Variants in MTUS2 observed in about 807,000 individuals in gnomAD.
The protein encoded by MTUS2 is microtubule-associated tumor suppressor candidate 2.
In MTUS2, 40 loss-of-function variants were observed where a neutral mutation model predicts 114.1. That is an observed-to-expected ratio of 0.35 (90% CI 0.27 to 0.46). The LOEUF is 0.46. Among genes scored for constraint, MTUS2 ranks in the 20% least tolerant of loss-of-function variants. The pLI, the probability that MTUS2 is intolerant of heterozygous loss-of-function variation, is 1.00. For missense variants in MTUS2, 1,679 were observed against 1,705.4 expected (o/e 0.98, Z 0.27); for synonymous variants, 688 against 672.0 (o/e 1.02, Z -0.37).
rs372069796 is a variant in MTUS2, at chr13:29,026,949, A to G, written c.2205+46A>G. On this transcript the variant is annotated intron_variant, in intron 3 of 15. Coordinates refer to ENST00000612955, the MANE Select transcript of MTUS2 (RefSeq NM_001033602.4). ...TATGGTCTATAAGTTGACTGTCCCAATATCTGTGACATATTTTCAATGAGT... is the reference window on the plus strand; with the variant it reads ...TATGGTCTATAAGTTGACTGTCCCAGTATCTGTGACATATTTTCAATGAGT... 10 of 1,485,424 alleles carry G rather than the reference A, an allele frequency of 6.7e-6. No individual in the cohort carries two copies. The African/African-American group carries it at 7.0e-5, about 10-fold the overall frequency. The allele number at this position is 1,485,424 out of a possible 1,614,324, so 92.0% of individuals were successfully genotyped here.
At chr13:29,367,067 G>A (rs568844697) in intron 8 of MTUS2, among the ~76,000 whole-genome samples, 33 of 152,236 alleles carry the variant, frequency 2.2e-4, no homozygotes, top group African/African-American at 7.7e-4. Context: ...GTAAATGGAT[G>A]ACTTGAAAAC....
At chr13:29,449,128 G>A (rs183374221) in intron 9 of MTUS2, among the ~76,000 whole-genome samples, 2 of 152,112 alleles carry the variant, frequency 1.3e-5, no homozygotes, top group East Asian at 3.9e-4. Context: ...TTTTGATTAA[G>A]GTCAGTTTAT....
intron 2 of MTUS2, among the ~76,000 whole-genome samples, chr13:28,992,851 T>A (rs1018472455): frequency 6.6e-6 from 1 of 152,190 alleles, no homozygotes; most frequent in African/African-American, 2.4e-5. Context: ...TCTTTCATCT[T>A]GCAAGACTGA....
chr13:29,125,689 A>G (rs1891484953), intron 5 of MTUS2, among the ~76,000 whole-genome samples: 1 of 152,236 alleles, frequency 6.6e-6, no homozygotes, highest in African/African-American at 2.4e-5. Flanking sequence ...TTACCTGGGA[A>G]GTTATAAAAA....
intron 8 of MTUS2, among the ~76,000 whole-genome samples, chr13:29,412,668 T>C (rs1199179054): frequency 1.3e-5 from 2 of 152,118 alleles, no homozygotes; most frequent in South Asian, 4.2e-4. Context: ...GACAGGGGGA[T>C]TGCTTGAGCA....
intron 8 of MTUS2, among the ~76,000 whole-genome samples, chr13:29,413,610 A>C (rs1172273147): frequency 5.5e-5 from 3 of 54,932 alleles, no homozygotes; most frequent in Non-Finnish European, 1.1e-4. Flanking sequence ...ATTTACAAGA[A>C]AAAAACAAAC....
chr13:29,064,390 GTTTTTTTT>G (rs59916653), intron 4 of MTUS2, among the ~76,000 whole-genome samples: 2 of 108,010 alleles, frequency 1.9e-5, no homozygotes, highest in East Asian at 2.7e-4. Flanking sequence ...ACGTTTGGAG[GTTTTTTTT>G]TTTTTTTTTT....
At chr13:29,389,215 A>C (rs1307673314) in intron 8 of MTUS2, among the ~76,000 whole-genome samples, 1 of 149,520 alleles carries the variant, frequency 6.7e-6, no homozygotes, top group Non-Finnish European at 1.5e-5. Flanking sequence ...ATTTTTTCAA[A>C]TATATGTATG....
chr13:29,382,202 G>A (rs1872264452), intron 8 of MTUS2, among the ~76,000 whole-genome samples: 1 of 152,196 alleles, frequency 6.6e-6, no homozygotes, highest in Admixed American at 6.5e-5. Flanking sequence ...ATGGTTGACA[G>A]GTCGGGCCTT....
In MTUS2 at chr13:29,161,518, G is replaced by T. The variant is rs1003747269; in HGVS notation, c.2644+60548G>T. On this transcript the variant is annotated intron_variant, in intron 5 of 15. Coordinates refer to ENST00000612955, the MANE Select transcript of MTUS2 (RefSeq NM_001033602.4). ...ATACAATCACTGAAGGACTTAACCAGTTTGAAATTTTCGACTCTTTTCTTG... is the reference window on the plus strand; with the variant it reads ...ATACAATCACTGAAGGACTTAACCATTTTGAAATTTTCGACTCTTTTCTTG... Among the ~76,000 whole-genome samples, 5 of 152,052 alleles carry T rather than the reference G, an allele frequency of 3.3e-5. No homozygotes were observed. In the South Asian group the frequency reaches 1.0e-3, roughly 32 times the overall value.
At chr13:29,192,501 G>C (rs187391746) in intron 5 of MTUS2, among the ~76,000 whole-genome samples, 3 of 152,042 alleles carry the variant, frequency 2.0e-5, no homozygotes, top group Admixed American at 2.0e-4. Context: ...AATTAATATA[G>C]TTAACAATAA....
At chr13:28,890,931 CT>C (rs1422891418) in intron 2 of MTUS2, among the ~76,000 whole-genome samples, 3 of 152,120 alleles carry the variant, frequency 2.0e-5, no homozygotes, top group Non-Finnish European at 4.4e-5. Flanking sequence ...GCATTTTACC[CT>C]TTGACATCAG....
chr13:28,927,714 T>A (rs1363569532), intron 2 of MTUS2, among the ~76,000 whole-genome samples: 1 of 152,200 alleles, frequency 6.6e-6, no homozygotes, highest in Non-Finnish European at 1.5e-5. Context: ...ACAGATTCAA[T>A]GAAATCCCTA....
Position 29,024,724 on chromosome 13 carries a change from A to C in MTUS2, c.26A>C (p.Lys9Thr). The change falls in exon 3 of 16, where the codon AAA (lysine) becomes ACA (threonine). Residue 9 changes from lysine (K) to threonine (T), a missense_variant. Coordinates refer to ENST00000612955, the MANE Select transcript of MTUS2 (RefSeq NM_001033602.4). MSVPVAPK[K>T]SCYTQLRDNR... ...ATGAGCGTCCCAGTGGCTCCTAAGA[A>C]ATCATGTTACACTCAGTTGCGGGAC... is the stretch of plus-strand genomic sequence containing the variant. 6.2e-7 allele frequency: 1 copy of C among 1,614,000 alleles called. No homozygotes were observed. Among genetic ancestry groups the C allele is most frequent in the Non-Finnish European group, 8.5e-7 (1 of 1,179,886 alleles).
chr13:29,104,116 G>A (rs1230976537), intron 5 of MTUS2, among the ~76,000 whole-genome samples: 2 of 152,164 alleles, frequency 1.3e-5, no homozygotes, highest in Non-Finnish European at 2.9e-5. Context: ...CAGGCTTCAG[G>A]CCATTAGCCC....
chr13:28,833,835 A>G (rs1874876631), intron 1 of MTUS2, among the ~76,000 whole-genome samples: 1 of 152,138 alleles, frequency 6.6e-6, no homozygotes, highest in Admixed American at 6.5e-5. Flanking sequence ...TAAAAAGTTC[A>G]GTAAGGTGGC....
chr13:28,902,390 T>G (rs1345200836), intron 2 of MTUS2, among the ~76,000 whole-genome samples: 1 of 152,152 alleles, frequency 6.6e-6, no homozygotes, highest in East Asian at 1.9e-4. Flanking sequence ...CACCTTAACT[T>G]GCTCCTGATC....
intron 9 of MTUS2, among the ~76,000 whole-genome samples, chr13:29,479,767 CAGGG>C: frequency 6.6e-6 from 1 of 152,326 alleles, no homozygotes; most frequent in South Asian, 2.1e-4. Flanking sequence ...CTGATTCACC[CAGGG>C]CGTATTTCAG....
chr13:29,346,519 A>T (rs554682158), intron 7 of MTUS2, among the ~76,000 whole-genome samples: 1 of 149,712 alleles, frequency 6.7e-6, no homozygotes, highest in Non-Finnish European at 1.5e-5. Flanking sequence ...CCCAATGCCC[A>T]TACAGCCAGC....
Sources: allele counts gnomAD v4.1 joint callset (sites outside exome capture counted in the v4.1 genomes callset), GRCh38; gene constraint gnomAD v4.1.1; transcripts MANE v1.5; gene names NCBI Gene and HGNC (gene_info 2026-07-23, HGNC 2026-07-21).